PRKCA: variants seen among roughly 807,000 people sequenced by gnomAD.
The protein encoded by PRKCA is protein kinase C alpha type.
In PRKCA, 27 loss-of-function variants were observed where a neutral mutation model predicts 87.0. The observed-to-expected ratio is 0.31, with a 90% CI of 0.23 to 0.43. The LOEUF (loss-of-function observed/expected upper bound fraction) is 0.43. Ranked by LOEUF, PRKCA falls within the 20% of genes least tolerant of loss-of-function variation. The pLI, the probability that PRKCA is intolerant of heterozygous loss-of-function variation, is 1.00. For synonymous variants in PRKCA, 329 were observed against 311.1 expected (o/e 1.06, Z -0.61); for missense variants, 518 against 852.3 (o/e 0.61, Z 4.88).
chr17:66,595,711 T>G (rs1461587463), intron 3 of PRKCA, among the ~76,000 whole-genome samples: 2 of 152,120 alleles, frequency 1.3e-5, no homozygotes, highest in African/African-American at 2.4e-5. Flanking sequence ...TCCGCCCGCC[T>G]CGGCCTCCTG....
chr17:66,426,107 C>G (rs574968162), intron 2 of PRKCA, among the ~76,000 whole-genome samples: 1 of 152,070 alleles, frequency 6.6e-6, no homozygotes, highest in Non-Finnish European at 1.5e-5. Context: ...AGAAAAGTGT[C>G]ATTATTTGCA....
chr17:66,330,165 G>A (rs1906242492), intron 2 of PRKCA, among the ~76,000 whole-genome samples: 1 of 150,408 alleles, frequency 6.6e-6, no homozygotes, highest in South Asian at 2.1e-4. Flanking sequence ...GAGTACAGTG[G>A]CACGATCTCG....
At chr17:66,765,418 CTATATATATATATATA>C (rs58356468) in intron 13 of PRKCA, among the ~76,000 whole-genome samples, 574 of 49,338 alleles carry the variant, frequency 0.012, 18 homozygotes, top group African/African-American at 0.021. Flanking sequence ...AAGACTTTGT[CTATATATATATATATA>C]TATATATATA....
intron 8 of PRKCA, among the ~76,000 whole-genome samples, chr17:66,721,192 C>T (rs13341984): frequency 0.025 from 3,834 of 151,994 alleles, 154 homozygotes; most frequent in African/African-American, 0.088. Flanking sequence ...GTCAGGAGAT[C>T]GAGACCATCC....
chr17:66,610,198 A>G (rs28592819), intron 3 of PRKCA, among the ~76,000 whole-genome samples: 4,256 of 152,204 alleles, frequency 0.028, 204 homozygotes, highest in African/African-American at 0.094. Flanking sequence ...ACTTACATTT[A>G]CCAGTTTATT....
chr17:66,736,160 G>A (rs1207494388), intron 10 of PRKCA, among the ~76,000 whole-genome samples: 3 of 151,718 alleles, frequency 2.0e-5, no homozygotes. Context: ...GGGACTACAG[G>A]TGTGAGCCAC....
At chr17:66,490,166 C>A (rs1352933761) in intron 2 of PRKCA, among the ~76,000 whole-genome samples, 1 of 152,132 alleles carries the variant, frequency 6.6e-6, no homozygotes, top group African/African-American at 2.4e-5. Flanking sequence ...TTCTTACTGC[C>A]TCTTCCTATT....
In PRKCA at chr17:66,345,956, A is replaced by G. The variant is rs1177446128; in HGVS notation, c.205+39829A>G. Among the ~76,000 whole-genome samples the G allele has an allele frequency of 2.6e-5, 4 of 152,278 alleles. No homozygotes were observed. In the South Asian group the frequency reaches 8.3e-4, roughly 32 times the overall value. On this transcript the variant is annotated intron_variant, in intron 2 of 16. Transcript: ENST00000413366. ...GAACGAATACCTAAGTAGATGATGG[A>G]TGAATGCCACTGGAACATAATGTCC...
chr17:66,800,764 G>A (rs34636366), intron 16 of PRKCA, among the ~76,000 whole-genome samples: 19,640 of 152,214 alleles, frequency 0.13, 1,351 homozygotes, highest in East Asian at 0.17. Flanking sequence ...CAGCCTAGAC[G>A]TCTATCTGTG....
intron 13 of PRKCA, among the ~76,000 whole-genome samples, chr17:66,758,113 G>T (rs2144286095): frequency 6.6e-6 from 1 of 152,330 alleles, no homozygotes; most frequent in African/African-American, 2.4e-5. Flanking sequence ...TGCAGATGCT[G>T]CCACCACCCA....
At chr17:66,651,082 A>C (rs1185853705) in intron 5 of PRKCA, among the ~76,000 whole-genome samples, 1 of 152,120 alleles carries the variant, frequency 6.6e-6, no homozygotes, top group African/African-American at 2.4e-5. Context: ...AGCAGGTGAC[A>C]GCTTCACATC....
intron 2 of PRKCA, among the ~76,000 whole-genome samples, chr17:66,393,931 C>G (rs757104026): frequency 6.6e-6 from 1 of 151,934 alleles, no homozygotes; most frequent in African/African-American, 2.4e-5. Context: ...AAAATTGGCC[C>G]GGGCATGGTG....
chr17:66,687,334 AGG>A, intron 6 of PRKCA, 67 bp downstream of exon 6: 3 of 1,508,530 alleles, frequency 2.0e-6, no homozygotes, highest in Non-Finnish European at 2.7e-6. Flanking sequence ...TCATTATTTG[AGG>A]TAATGAAGTA....
At chr17:66,774,579 C>T in intron 14 of PRKCA, 1 of 950,476 alleles carries the variant, frequency 1.1e-6, no homozygotes, top group Non-Finnish European at 1.3e-6. Context: ...CAAGATCGTG[C>T]CACTGCACTG....
chr17:66,643,771 G>A (rs1971375150), intron 4 of PRKCA, among the ~76,000 whole-genome samples: 1 of 152,200 alleles, frequency 6.6e-6, no homozygotes, highest in Non-Finnish European at 1.5e-5. Flanking sequence ...CAGAGAAGAA[G>A]CCTCTTCCTG....
rs529871320 is a variant in PRKCA, at chr17:66,727,100, C to A, written c.919-5588C>A. ...GGGGAGGGGTTTTGCTGCCCGTGGG[C>A]TAGGGGAGGTCCCCAAACGCTGGTG... On this transcript the variant is annotated intron_variant, in intron 8 of 16. Transcript: ENST00000413366. Among the ~76,000 whole-genome samples, 24 of 152,286 alleles carry A rather than the reference C, an allele frequency of 1.6e-4. No individual in the cohort carries two copies. The East Asian group carries it at 4.6e-3, about 29-fold the overall frequency.
chr17:66,523,976 A>T (rs1353416547), intron 3 of PRKCA, among the ~76,000 whole-genome samples: 1 of 152,228 alleles, frequency 6.6e-6, no homozygotes, highest in African/African-American at 2.4e-5. Flanking sequence ...AGCAGGGTGT[A>T]GTGGAAAGAG....
intron 14 of PRKCA, among the ~76,000 whole-genome samples, chr17:66,783,512 A>T (rs1171045423): frequency 6.6e-6 from 1 of 152,166 alleles, no homozygotes; most frequent in Non-Finnish European, 1.5e-5. Flanking sequence ...ACAGCCATTC[A>T]CCTTCAGAAA....
rs150327250 is a variant in PRKCA, at chr17:66,663,035, G to A, written c.529+17524G>A. On this transcript the variant is annotated intron_variant, in intron 5 of 16. Transcript: ENST00000413366. Reference sequence around the variant, plus strand: ...GATAGCAGATCCCTCTTCTGCTGGCGGATGGAGGAAGGATACCCTTGCCGG... The same window carrying A: ...GATAGCAGATCCCTCTTCTGCTGGCAGATGGAGGAAGGATACCCTTGCCGG... Among the ~76,000 whole-genome samples, 11 of 152,282 alleles carry A rather than the reference G, an allele frequency of 7.2e-5. 1 individual carries two copies. The highest frequency in any genetic ancestry group is 6.2e-4 in the South Asian group (3 of 4,816).
Sources: gnomAD v4.1 joint callset for allele counts (sites outside exome capture counted in the v4.1 genomes callset) on GRCh38, gnomAD v4.1.1 for gene constraint, MANE v1.5 for transcripts, NCBI Gene and HGNC (gene_info 2026-07-23, HGNC 2026-07-21) for gene names.